Variants in DLGAP2 observed in about 807,000 individuals in gnomAD.
The protein encoded by DLGAP2 is DLG associated protein 2, also known as disks large-associated protein 2.
In DLGAP2, 26 loss-of-function variants were observed where a neutral mutation model predicts 100.3. That is an observed-to-expected ratio of 0.26 (90% confidence interval 0.19 to 0.36). The LOEUF is 0.36. Among genes scored for constraint, DLGAP2 ranks in the 10% least tolerant of loss-of-function variants. The pLI is 1.00. For missense variants in DLGAP2, 1,858 were observed against 1,453.2 expected, an observed-to-expected ratio of 1.28 and a Z score of -4.53; for synonymous variants, 886 against 630.1, an observed-to-expected ratio of 1.41 and a Z score of -6.08.
At chr8:815,403 A>T (rs1399724429) in intron 1 of DLGAP2, among the ~76,000 whole-genome samples, 1 of 152,210 alleles carries the variant, frequency 6.6e-6, no homozygotes, top group African/African-American at 2.4e-5. Flanking sequence ...CAGCATGTGA[A>T]TTTTGGAGAC....
rs554009465 is a variant in DLGAP2, at chr8:1,602,530, A to G, written c.1443-24210A>G. Among the ~76,000 whole-genome samples, 35 of 152,336 alleles carry G rather than the reference A, an allele frequency of 2.3e-4. 2 individuals carry two copies. The South Asian group carries it at 6.6e-3, about 29-fold the overall frequency. ...GGCCCGAATCCACGGAGGCCGGGCC[A>G]GGCCACCCCAGCATCAGGCCTCAGG... On this transcript the variant is annotated intron_variant, in intron 6 of 14. Transcript: ENST00000637795.
chr8:948,053 C>T (rs1799376324), intron 2 of DLGAP2, among the ~76,000 whole-genome samples: 1 of 151,728 alleles, frequency 6.6e-6, no homozygotes, highest in South Asian at 2.1e-4. Flanking sequence ...ATGACCCCAC[C>T]GCGTGTGCGC....
chr8:1,009,933 G>C (rs929426609), intron 2 of DLGAP2, among the ~76,000 whole-genome samples: 35 of 152,222 alleles, frequency 2.3e-4, no homozygotes, highest in African/African-American at 8.4e-4. Context: ...GTAAGGTCTT[G>C]TGTTTTTGCA....
intron 2 of DLGAP2, among the ~76,000 whole-genome samples, chr8:1,142,047 G>A (rs889947494): frequency 6.6e-6 from 1 of 150,790 alleles, no homozygotes; most frequent in South Asian, 2.1e-4. Context: ...TGATTCAGAA[G>A]TGTCCATATT....
intron 3 of DLGAP2, among the ~76,000 whole-genome samples, chr8:1,408,896 C>T (rs1028386063): frequency 2.6e-5 from 4 of 152,198 alleles, no homozygotes; most frequent in Non-Finnish European, 5.9e-5. Flanking sequence ...TCCATGATGC[C>T]TGTCTGCCCA....
intron 2 of DLGAP2, among the ~76,000 whole-genome samples, chr8:1,161,049 T>TA (rs1286994594): frequency 1.3e-5 from 2 of 152,380 alleles, no homozygotes; most frequent in South Asian, 4.1e-4. Flanking sequence ...TGAAGGTACT[T>TA]AAAAAATTGA....
At position 1,590,227 on chromosome 8, in the gene DLGAP2, C is replaced by T. The variant is rs1030211429; in HGVS notation, c.1442+24333C>T. Among the ~76,000 whole-genome samples the T allele has an allele frequency of 5.3e-5, 8 of 152,150 alleles. 1 individual carries two copies. Among genetic ancestry groups the T allele is most frequent in the African/African-American group, 1.9e-4 (8 of 41,428 alleles). ...CGTCTGCAGTGACCCTATTTCCAAG[C>T]GAGGTCATGTTCTGAGGCACTGGGG... On this transcript the variant is annotated intron_variant, in intron 6 of 14. Coordinates refer to ENST00000637795, the MANE Select transcript of DLGAP2 (RefSeq NM_001346810.2).
intron 4 of DLGAP2, among the ~76,000 whole-genome samples, chr8:1,513,720 T>C (rs1800260948): frequency 6.6e-6 from 1 of 152,216 alleles, no homozygotes; most frequent in Non-Finnish European, 1.5e-5. Context: ...AAAAGTACAC[T>C]TTTTAATAAA....
At chr8:1,113,140 C>T (rs1007149114) in intron 2 of DLGAP2, among the ~76,000 whole-genome samples, 3 of 152,202 alleles carry the variant, frequency 2.0e-5, no homozygotes, top group Middle Eastern at 3.4e-3. Flanking sequence ...TAATATGATG[C>T]CTCCAGCTTT....
chr8:1,496,191 A>C (rs1414517311), intron 3 of DLGAP2, among the ~76,000 whole-genome samples: 1 of 151,900 alleles, frequency 6.6e-6, no homozygotes, highest in African/African-American at 2.4e-5. Context: ...CTGCCTCTTC[A>C]TTGGCAGAGT....
intron 2 of DLGAP2, among the ~76,000 whole-genome samples, chr8:1,255,588 G>C (rs1243523362): frequency 3.1e-5 from 4 of 127,660 alleles, no homozygotes. Flanking sequence ...TTTCCTGCCT[G>C]AGCACTGTAT....
chr8:1,251,412 T>G (rs1799037718), intron 2 of DLGAP2, among the ~76,000 whole-genome samples: 1 of 152,212 alleles, frequency 6.6e-6, no homozygotes, highest in African/African-American at 2.4e-5. Context: ...TTTGAGCAGA[T>G]AAGATTCCAT....
intron 2 of DLGAP2, among the ~76,000 whole-genome samples, chr8:1,214,918 C>G (rs1178729900): frequency 6.6e-6 from 1 of 152,222 alleles, no homozygotes. Context: ...AGTTGCTTCC[C>G]TCCTCTGGCT....
chr8:866,786 A>G (rs771913857), intron 1 of DLGAP2, among the ~76,000 whole-genome samples: 91 of 152,244 alleles, frequency 6.0e-4, no homozygotes, highest in South Asian at 1.0e-3. Flanking sequence ...CTCCCTTTCT[A>G]TGACTCAGAC....
At chr8:1,455,906 C>G (rs887892107) in intron 3 of DLGAP2, among the ~76,000 whole-genome samples, 1 of 152,212 alleles carries the variant, frequency 6.6e-6, no homozygotes, top group Non-Finnish European at 1.5e-5. Flanking sequence ...CTGCCCGGCA[C>G]GAAATCAATC....
intron 4 of DLGAP2, among the ~76,000 whole-genome samples, chr8:1,539,530 A>T (rs750048624): frequency 3.3e-5 from 5 of 152,104 alleles, no homozygotes; most frequent in Non-Finnish European, 5.9e-5. Context: ...CGCAGAGTGG[A>T]CTGGGGTGCA....
chr8:1,054,965 T>A (rs181807347), intron 2 of DLGAP2, among the ~76,000 whole-genome samples: 2 of 152,358 alleles, frequency 1.3e-5, no homozygotes, highest in East Asian at 3.9e-4. Context: ...TTTTTCCTCA[T>A]GAAGCAATAA....
At chr8:1,020,341 G>A (rs1026751072) in intron 2 of DLGAP2, among the ~76,000 whole-genome samples, 1 of 152,228 alleles carries the variant, frequency 6.6e-6, no homozygotes, top group African/African-American at 2.4e-5. Context: ...GCCCCTGACT[G>A]GCTTAAGGAC....
intron 2 of DLGAP2, among the ~76,000 whole-genome samples, chr8:976,445 A>G (rs1232805405): frequency 6.6e-6 from 1 of 152,124 alleles, no homozygotes; most frequent in East Asian, 1.9e-4. Context: ...CCCCATGTCT[A>G]CTAAAAATAC....
Sources: gnomAD v4.1 joint callset for allele counts (sites outside exome capture counted in the v4.1 genomes callset) on GRCh38, gnomAD v4.1.1 for gene constraint, MANE v1.5 for transcripts, NCBI Gene and HGNC (gene_info 2026-07-23, HGNC 2026-07-21) for gene names.